The following MAGI2 variants were observed in gnomAD, a reference collection of about 807,000 sequenced individuals.
The protein encoded by MAGI2 is membrane associated guanylate kinase, WW and PDZ domain containing 2.
In MAGI2, 35 loss-of-function variants were observed where a neutral mutation model predicts 133.3. That is an observed-to-expected ratio of 0.26 (90% CI 0.20 to 0.35). MAGI2 has a LOEUF of 0.35. Among genes scored for constraint, MAGI2 ranks in the 10% least tolerant of loss-of-function variants. The pLI is 1.00. For missense variants in MAGI2, 1,636 were observed against 1,863.4 expected, an observed-to-expected ratio of 0.88 and a Z score of 2.25; for synonymous variants, 729 against 710.6, an observed-to-expected ratio of 1.03 and a Z score of -0.41.
chr7:78,919,283 A>G (rs1329247178), intron 2 of MAGI2, among the ~76,000 whole-genome samples: 1 of 152,138 alleles, frequency 6.6e-6, no homozygotes, highest in Non-Finnish European at 1.5e-5. Context: ...AAGCATGTAG[A>G]AGAGTAAGCA....
intron 2 of MAGI2, among the ~76,000 whole-genome samples, chr7:78,790,192 ATTATAG>A (rs1320154659): frequency 6.6e-6 from 1 of 152,194 alleles, no homozygotes; most frequent in East Asian, 1.9e-4. Context: ...AATATAAAAT[ATTATAG>A]TTATACATAA....
chr7:78,034,316 T>C (rs1287527132), intron 21 of MAGI2, among the ~76,000 whole-genome samples: 1 of 151,766 alleles, frequency 6.6e-6, no homozygotes, highest in Non-Finnish European at 1.5e-5. Context: ...ATGGAGGAGG[T>C]ACTCTCATTT....
At chr7:78,639,465 C>T (rs1476641544) in intron 2 of MAGI2, among the ~76,000 whole-genome samples, 1 of 152,058 alleles carries the variant, frequency 6.6e-6, no homozygotes, top group Non-Finnish European at 1.5e-5. Context: ...GGATGAGGTG[C>T]TTTTATTCTT....
intron 14 of MAGI2, 63 bp from the exon 15 acceptor site, chr7:78,168,171 T>G: frequency 6.9e-7 from 1 of 1,443,778 alleles, no homozygotes; most frequent in Non-Finnish European, 9.5e-7. Context: ...TTTTTTTTTT[T>G]TCGAAACAGA....
chr7:79,209,254 T>C lies in MAGI2; in HGVS notation c.302-202048A>G, dbSNP rs114793843. 7.3e-3 allele frequency among the ~76,000 whole-genome samples: 1,115 copies of C among 152,114 alleles called. 24 individuals are homozygous for C. The highest frequency in any genetic ancestry group is 0.026 in the African/African-American group (1,061 of 41,410). On this transcript the variant is annotated intron_variant, in intron 1 of 21. Transcript: ENST00000354212. ...ATTTAGTCATCCCATAATGTGTATA[T>C]ACTTCAAAACATTATATTGTACACA...
At chr7:78,822,398 C>A (rs1790207896) in intron 2 of MAGI2, among the ~76,000 whole-genome samples, 1 of 151,962 alleles carries the variant, frequency 6.6e-6, no homozygotes, top group Non-Finnish European at 1.5e-5. Flanking sequence ...TTTAACTCAT[C>A]TTTGGTTCTT....
chr7:79,287,275 G>A (rs540507395), intron 1 of MAGI2, among the ~76,000 whole-genome samples: 1 of 152,218 alleles, frequency 6.6e-6, no homozygotes, highest in African/African-American at 2.4e-5. Context: ...CAGCAATGCA[G>A]CTTCATGATA....
chr7:79,110,583 C>T (rs988755793), intron 1 of MAGI2, among the ~76,000 whole-genome samples: 18 of 152,280 alleles, frequency 1.2e-4, no homozygotes, highest in Admixed American at 9.2e-4. Flanking sequence ...TTTTACAGCT[C>T]ATAGGTGAAA....
chr7:78,312,362 C>A (rs1192811498), intron 9 of MAGI2, among the ~76,000 whole-genome samples: 2 of 152,054 alleles, frequency 1.3e-5, no homozygotes, highest in Non-Finnish European at 2.9e-5. Context: ...ACATCCAGTT[C>A]TGCAATGAGT....
chr7:78,678,790 T>A (rs1326060670), intron 2 of MAGI2, among the ~76,000 whole-genome samples: 1 of 152,154 alleles, frequency 6.6e-6, no homozygotes. Flanking sequence ...GTTGCCCAAA[T>A]GACTATAGAA....
chr7:79,156,844 T>G (rs1422199183), intron 1 of MAGI2, among the ~76,000 whole-genome samples: 8 of 152,040 alleles, frequency 5.3e-5, no homozygotes. Flanking sequence ...TAATTTGGCA[T>G]CCAACATAGG....
chr7:79,034,909 AT>A (rs1335667488), intron 1 of MAGI2, among the ~76,000 whole-genome samples: 1 of 152,200 alleles, frequency 6.6e-6, no homozygotes, highest in African/African-American at 2.4e-5. Flanking sequence ...AGAAAGATGA[AT>A]TTCTTAATAA....
chr7:78,762,979 G>C (rs1824661485), intron 2 of MAGI2, among the ~76,000 whole-genome samples: 1 of 152,156 alleles, frequency 6.6e-6, no homozygotes, highest in Non-Finnish European at 1.5e-5. Context: ...TTCTTCAATA[G>C]AACTTAATTC....
At chr7:78,285,779 A>G (rs1796088191) in intron 9 of MAGI2, 1 of 152,122 alleles carries the variant, frequency 6.6e-6, no homozygotes, top group Non-Finnish European at 1.5e-5. Flanking sequence ...ATACCTTGAC[A>G]AGTTTTCAGG....
At chr7:78,991,074 T>C (rs1029367337) in intron 2 of MAGI2, among the ~76,000 whole-genome samples, 1 of 151,940 alleles carries the variant, frequency 6.6e-6, no homozygotes, top group Middle Eastern at 3.4e-3. Flanking sequence ...CTTGTGATAG[T>C]GAAGGAGCTC....
intron 10 of MAGI2, among the ~76,000 whole-genome samples, chr7:78,231,931 A>AG (rs1790012086): frequency 7.5e-6 from 1 of 133,480 alleles, no homozygotes; most frequent in Admixed American, 7.9e-5. Context: ...TCTAACCAAG[A>AG]GGGTTTTTTT....
intron 1 of MAGI2, among the ~76,000 whole-genome samples, chr7:79,104,500 C>A (rs573393752): frequency 3.9e-4 from 60 of 152,174 alleles, no homozygotes; most frequent in African/African-American, 1.4e-3. Context: ...AGCCCCATCT[C>A]TACTAAAAAT....
intron 2 of MAGI2, among the ~76,000 whole-genome samples, chr7:78,901,020 G>A (rs1797581991): frequency 6.6e-6 from 1 of 152,080 alleles, no homozygotes; most frequent in Non-Finnish European, 1.5e-5. Context: ...TGCTAATTCT[G>A]GCATCTGTCA....
At chr7:78,383,189 C>T (rs1795082950) in intron 6 of MAGI2, among the ~76,000 whole-genome samples, 1 of 152,080 alleles carries the variant, frequency 6.6e-6, no homozygotes, top group African/African-American at 2.4e-5. Flanking sequence ...AATCTCCATA[C>T]TGTTTTTCAT....
Sources: gnomAD v4.1 joint callset for allele counts (sites outside exome capture counted in the v4.1 genomes callset) on GRCh38, gnomAD v4.1.1 for gene constraint, MANE v1.5 for transcripts, NCBI Gene and HGNC (gene_info 2026-07-23, HGNC 2026-07-21) for gene names.